Variants in NPSR1 observed in about 807,000 individuals in gnomAD.
NPSR1 encodes neuropeptide S receptor.
Under a neutral mutation model 46.9 loss-of-function variants are expected in NPSR1, and 48 were observed. That is an observed-to-expected ratio of 1.02 (90% CI 0.81 to 1.30). NPSR1 has a LOEUF of 1.30. Among genes scored for constraint, NPSR1 ranks in the 50% most tolerant of loss-of-function variants. The pLI, the probability that NPSR1 is intolerant of heterozygous loss-of-function variation, is 0.00. For synonymous variants in NPSR1, 176 were observed against 168.1 expected, an observed-to-expected ratio of 1.05 and a Z score of -0.36; for missense variants, 450 against 449.5, an observed-to-expected ratio of 1.00 and a Z score of -0.01.
intron 2 of NPSR1, among the ~76,000 whole-genome samples, chr7:34,763,742 T>G (rs1022949476): frequency 2.6e-5 from 4 of 152,070 alleles, no homozygotes; most frequent in African/African-American, 9.7e-5. Context: ...GAGTGAACAG[T>G]TGGGTATGGC....
intron 2 of NPSR1, among the ~76,000 whole-genome samples, chr7:34,755,307 A>G (rs1562704846): frequency 6.6e-6 from 1 of 152,262 alleles, no homozygotes; most frequent in Non-Finnish European, 1.5e-5. Flanking sequence ...AGTGGTTACC[A>G]GAGTCAGTCA....
At chr7:34,737,830 G>C (rs1784752245) in intron 2 of NPSR1, among the ~76,000 whole-genome samples, 1 of 152,084 alleles carries the variant, frequency 6.6e-6, no homozygotes, top group African/African-American at 2.4e-5. Flanking sequence ...ATCATGTCTT[G>C]GGGCTTTTAA....
chr7:34,854,442 G>A (rs1405601691), downstream of NPSR1, among the ~76,000 whole-genome samples: 1 of 152,110 alleles, frequency 6.6e-6, no homozygotes, highest in African/African-American at 2.4e-5. Context: ...CAAGGATACA[G>A]AAAGTTTGAA....
intron 3 of NPSR1, among the ~76,000 whole-genome samples, chr7:34,809,022 T>G (rs1788847915): frequency 6.6e-6 from 1 of 152,194 alleles, no homozygotes; most frequent in Non-Finnish European, 1.5e-5. Flanking sequence ...CTCCAGATTC[T>G]GAACTGTGCC....
intron 2 of NPSR1, chr7:34,751,990 T>A (rs1785561392): frequency 1.1e-6 from 1 of 871,498 alleles, no homozygotes; most frequent in South Asian, 1.4e-5. Context: ...CTGTCAGAGA[T>A]GTTGGCGATG....
intron 3 of NPSR1, among the ~76,000 whole-genome samples, chr7:34,809,926 CTCCATCCATG>C (rs1170477045): frequency 6.6e-6 from 1 of 152,088 alleles, no homozygotes; most frequent in Non-Finnish European, 1.5e-5. Flanking sequence ...AGATAATGCC[CTCCATCCATG>C]TCCATCCATG....
At chr7:34,720,238 C>G (rs540936956) in intron 2 of NPSR1, among the ~76,000 whole-genome samples, 1 of 147,936 alleles carries the variant, frequency 6.8e-6, no homozygotes, top group Admixed American at 6.8e-5. Context: ...CAAGATTGCA[C>G]AACTACACTC....
At chr7:34,678,611 G>T (rs1356020169) in intron 1 of NPSR1, among the ~76,000 whole-genome samples, 5 of 152,048 alleles carry the variant, frequency 3.3e-5, no homozygotes, top group Non-Finnish European at 7.4e-5. Flanking sequence ...TGGATCATGA[G>T]GTCAGGAGAT....
chr7:34,718,237 T>C (rs926872332), intron 2 of NPSR1, among the ~76,000 whole-genome samples: 2 of 152,246 alleles, frequency 1.3e-5, no homozygotes, highest in Non-Finnish European at 2.9e-5. Context: ...AAATAACTCA[T>C]ATTTTCCAAA....
At chr7:34,820,676 C>T (rs957966098) in intron 4 of NPSR1, among the ~76,000 whole-genome samples, 1 of 152,072 alleles carries the variant, frequency 6.6e-6, no homozygotes, top group African/African-American at 2.4e-5. Flanking sequence ...CAATCAAACA[C>T]ATTTAAGAAA....
At chr7:34,669,951 T>C (rs1232571621) in intron 1 of NPSR1, among the ~76,000 whole-genome samples, 4 of 152,240 alleles carry the variant, frequency 2.6e-5, no homozygotes, top group Non-Finnish European at 5.9e-5. Flanking sequence ...GCATTAATTC[T>C]CTAGGTGAAG....
chr7:34,712,179 G>A (rs1379141428), intron 2 of NPSR1, among the ~76,000 whole-genome samples: 1 of 152,106 alleles, frequency 6.6e-6, no homozygotes, highest in Admixed American at 6.6e-5. Flanking sequence ...TTTTGTTTTA[G>A]TTTTTATACA....
chr7:34,677,310 G>A (rs1476507413), intron 1 of NPSR1, among the ~76,000 whole-genome samples: 1 of 152,162 alleles, frequency 6.6e-6, no homozygotes, highest in Non-Finnish European at 1.5e-5. Context: ...CATCAATGCC[G>A]ACGCTCTATG....
chr7:34,858,438 T>A (rs188790183), intron 8 of NPSR1, among the ~76,000 whole-genome samples: 1 of 151,894 alleles, frequency 6.6e-6, no homozygotes, highest in East Asian at 1.9e-4. Flanking sequence ...GACAGAGACA[T>A]TAAAGATAAC....
chr7:34,748,684 T>C (rs963859021), intron 2 of NPSR1, among the ~76,000 whole-genome samples: 3 of 152,134 alleles, frequency 2.0e-5, no homozygotes, highest in Non-Finnish European at 4.4e-5. Context: ...CAGTTTGATT[T>C]GTTTACAACT....
intron 3 of NPSR1, among the ~76,000 whole-genome samples, chr7:34,790,792 ATGTTATAGGTTATATGTT>A (rs1787736206): frequency 2.7e-5 from 3 of 111,938 alleles, no homozygotes; most frequent in African/African-American, 3.7e-5. Flanking sequence ...TGTTATATAT[ATGTTATAGGTTATATGTT>A]ATATATGTTA....
chr7:34,804,634 T>G (rs1788599314), intron 3 of NPSR1, among the ~76,000 whole-genome samples: 1 of 151,710 alleles, frequency 6.6e-6, no homozygotes, highest in African/African-American at 2.4e-5. Context: ...ATGTCCTCTC[T>G]CGCCACTCCC....
intron 2 of NPSR1, among the ~76,000 whole-genome samples, chr7:34,752,539 T>A (rs2128724709): frequency 6.6e-6 from 1 of 152,330 alleles, no homozygotes; most frequent in South Asian, 2.1e-4. Flanking sequence ...ACAGGGGCAC[T>A]GGCTTTTAAT....
chr7:34,814,257 C>T (rs1485827041), intron 4 of NPSR1, among the ~76,000 whole-genome samples: 1 of 152,256 alleles, frequency 6.6e-6, no homozygotes, highest in African/African-American at 2.4e-5. Context: ...TCTCCCATGC[C>T]TGGCTCAGGA....
Sources: allele counts gnomAD v4.1 joint callset (sites outside exome capture counted in the v4.1 genomes callset), GRCh38; gene constraint gnomAD v4.1.1; transcripts MANE v1.5; gene names NCBI Gene and HGNC (gene_info 2026-07-23, HGNC 2026-07-21).